MAGI1: variants seen among roughly 807,000 people sequenced by gnomAD.
The protein encoded by MAGI1 is membrane associated guanylate kinase, WW and PDZ domain containing 1.
A neutral mutation model predicts 139.9 loss-of-function variants in MAGI1; 58 were observed. That is an observed-to-expected ratio of 0.41 (90% CI 0.34 to 0.52). The LOEUF (loss-of-function observed/expected upper bound fraction) is 0.52, where lower values mean the gene tolerates loss of function less well. Among genes scored for constraint, MAGI1 ranks in the 20% least tolerant of loss-of-function variants. The pLI is 0.12. For synonymous variants in MAGI1, 812 were observed against 737.9 expected, an observed-to-expected ratio of 1.10 and a Z score of -1.63; for missense variants, 1,874 against 1,901.6, an observed-to-expected ratio of 0.99 and a Z score of 0.27.
intron 1 of MAGI1, among the ~76,000 whole-genome samples, chr3:65,821,078 A>G (rs991722353): frequency 6.6e-6 from 1 of 152,084 alleles, no homozygotes; most frequent in Non-Finnish European, 1.5e-5. Context: ...TAAATCTAGG[A>G]GGCTCTTGGG....
chr3:65,474,997 T>G (rs1447062880), intron 4 of MAGI1, among the ~76,000 whole-genome samples: 2 of 152,144 alleles, frequency 1.3e-5, no homozygotes, highest in Non-Finnish European at 1.5e-5. Context: ...ACATTAGCTC[T>G]TATAGAAATG....
chr3:65,834,455 T>C (rs893552987), intron 1 of MAGI1, among the ~76,000 whole-genome samples: 5 of 152,254 alleles, frequency 3.3e-5, no homozygotes, highest in Non-Finnish European at 5.9e-5. Context: ...ATACTCTGTA[T>C]GATTTCAGTT....
intron 1 of MAGI1, among the ~76,000 whole-genome samples, chr3:65,992,744 GACA>G (rs2066245744): frequency 6.6e-6 from 1 of 152,224 alleles, no homozygotes; most frequent in African/African-American, 2.4e-5. Context: ...ATCCAGGAAA[GACA>G]ACAAGGGAAC....
At chr3:65,753,045 A>G (rs909502513) in intron 1 of MAGI1, among the ~76,000 whole-genome samples, 17 of 152,142 alleles carry the variant, frequency 1.1e-4, no homozygotes, top group African/African-American at 3.1e-4. Context: ...CATTTTGACA[A>G]GTGTCAGAAT....
rs3048011 is a variant in MAGI1, at chr3:65,999,972, C to CTTTTTT, written c.313+38018_313+38023dup. ...TTAATCAGGTCTTGTTCCCCCCACG[C>CTTTTTT]TTTTTTTTTTTTTTTTTTGATACGG... On this transcript the variant is annotated intron_variant, in intron 1 of 22. Transcript: ENST00000402939. Among the ~76,000 whole-genome samples the CTTTTTT allele has an allele frequency of 3.0e-4, 34 of 113,268 alleles. 2 individuals carry two copies. The highest frequency in any genetic ancestry group is 3.4e-4 in the African/African-American group (10 of 29,108). The allele number at this position is 113,268 out of a possible 152,430, so 74.3% of individuals were successfully genotyped here. A position where few individuals can be genotyped will look rare whatever the true frequency, so the allele number is the denominator to read the frequency against.
chr3:66,001,557 C>T (rs1421592501), intron 1 of MAGI1, among the ~76,000 whole-genome samples: 1 of 151,784 alleles, frequency 6.6e-6, no homozygotes, highest in East Asian at 1.9e-4. Context: ...GAGGCAGGTC[C>T]GATAATTATC....
At chr3:65,955,938 T>C (rs1448383769) in intron 1 of MAGI1, among the ~76,000 whole-genome samples, 1 of 152,106 alleles carries the variant, frequency 6.6e-6, no homozygotes, top group Non-Finnish European at 1.5e-5. Flanking sequence ...AAACACAAGC[T>C]GAAGATGATT....
intron 1 of MAGI1, among the ~76,000 whole-genome samples, chr3:65,842,256 G>A (rs538628685): frequency 6.6e-6 from 1 of 152,074 alleles, no homozygotes; most frequent in Non-Finnish European, 1.5e-5. Context: ...TTACAATCCA[G>A]TTAGGGAGGA....
chr3:65,465,083 T>C (rs905664256), intron 5 of MAGI1, among the ~76,000 whole-genome samples: 2 of 150,318 alleles, frequency 1.3e-5, no homozygotes, highest in African/African-American at 4.9e-5. Flanking sequence ...ATAAACCTTA[T>C]CTCCATTGAT....
chr3:65,660,180 A>G (rs1263831033), intron 1 of MAGI1, among the ~76,000 whole-genome samples: 2 of 152,232 alleles, frequency 1.3e-5, no homozygotes, highest in African/African-American at 2.4e-5. Flanking sequence ...ATAGTGAGGT[A>G]AAAGTTCATT....
chr3:65,893,252 G>A (rs1013228100), intron 1 of MAGI1, among the ~76,000 whole-genome samples: 7 of 151,496 alleles, frequency 4.6e-5, no homozygotes, highest in African/African-American at 1.7e-4. Flanking sequence ...CAAAGCCAAA[G>A]GTTCCCAGAC....
At position 65,478,764 on chromosome 3, in the gene MAGI1, C is replaced by G. The variant is rs764310808; in HGVS notation, c.585G>C (p.Gln195His). 6.2e-7 allele frequency: 1 copy of G among 1,614,040 alleles called. No individual in the cohort carries two copies. Among genetic ancestry groups the G allele is most frequent in the Non-Finnish European group, 8.5e-7 (1 of 1,179,976 alleles). The change falls in exon 4 of 23, where the codon CAG (glutamine) becomes CAC (histidine). Residue 195 changes from glutamine (Q) to histidine (H), a missense_variant. By Grantham distance (24) the Gln-to-His change is conservative (BLOSUM62 0). Coordinates refer to ENST00000402939, the MANE Select transcript of MAGI1 (RefSeq NM_001033057.2). ...TCGTGATCACTTTCCCACTGACTGG[C>G]TGGCTAGGAGGCTTGGGTGTCCCAT... is the stretch of plus-strand genomic sequence containing the variant. ...NYYGTPKPPS[Q>H]PVSGKVITTD...
At chr3:65,788,547 C>A (rs764412063) in intron 1 of MAGI1, among the ~76,000 whole-genome samples, 47 of 152,198 alleles carry the variant, frequency 3.1e-4, no homozygotes, top group Non-Finnish European at 5.6e-4. Flanking sequence ...CACCCCATCA[C>A]CAGCTGCGTT....
At chr3:65,542,734 G>A (rs975382002) in intron 2 of MAGI1, among the ~76,000 whole-genome samples, 1 of 151,882 alleles carries the variant, frequency 6.6e-6, no homozygotes, top group Non-Finnish European at 1.5e-5. Context: ...TTCCTCACAC[G>A]TTATAAAAAA....
intron 16 of MAGI1, among the ~76,000 whole-genome samples, chr3:65,380,476 T>C (rs1023124178): frequency 2.0e-5 from 3 of 152,188 alleles, no homozygotes; most frequent in East Asian, 1.9e-4. Flanking sequence ...TTTTCCCAAA[T>C]TGAAACTCTG....
intron 2 of MAGI1, among the ~76,000 whole-genome samples, chr3:65,577,760 C>G (rs747441511): frequency 5.9e-5 from 9 of 152,170 alleles, no homozygotes; most frequent in Non-Finnish European, 1.0e-4. Context: ...CTTTACACAG[C>G]AGACTCACAC....
intron 1 of MAGI1, among the ~76,000 whole-genome samples, chr3:65,790,004 T>C (rs2108061358): frequency 6.6e-6 from 1 of 152,324 alleles, no homozygotes; most frequent in African/African-American, 2.4e-5. Context: ...GTAATGATTA[T>C]TAACGTATTA....
intron 1 of MAGI1, among the ~76,000 whole-genome samples, chr3:65,876,221 C>A (rs1015625791): frequency 1.3e-5 from 2 of 152,090 alleles, no homozygotes; most frequent in African/African-American, 4.8e-5. Context: ...ACTCAGGAGG[C>A]TGATGCAAGA....
chr3:65,388,080 G>A (rs910505379), intron 14 of MAGI1, among the ~76,000 whole-genome samples: 1 of 152,246 alleles, frequency 6.6e-6, no homozygotes, highest in East Asian at 1.9e-4. Flanking sequence ...CATAAAACAG[G>A]CAACATGGCT....
Sources: allele counts gnomAD v4.1 joint callset (sites outside exome capture counted in the v4.1 genomes callset), GRCh38; gene constraint gnomAD v4.1.1; transcripts MANE v1.5; gene names NCBI Gene and HGNC (gene_info 2026-07-23, HGNC 2026-07-21).